The following TACR1 variants were observed in gnomAD, a reference collection of about 807,000 sequenced individuals.
The protein encoded by TACR1 is substance-P receptor.
A neutral mutation model predicts 35.8 loss-of-function variants in TACR1; 25 were observed. That is an observed-to-expected ratio of 0.70 (90% CI 0.51 to 0.98). TACR1 has a LOEUF of 0.98. Ranked by LOEUF, TACR1 falls within the 50% of genes least tolerant of loss-of-function variation. TACR1 has a pLI of 0.00. For synonymous variants in TACR1, 195 were observed against 206.7 expected (o/e 0.94, Z 0.48); for missense variants, 478 against 522.9 (o/e 0.91, Z 0.84).
At chr2:75,055,913 C>T (rs1219289054) in intron 2 of TACR1, among the ~76,000 whole-genome samples, 3 of 152,196 alleles carry the variant, frequency 2.0e-5, no homozygotes, top group African/African-American at 7.2e-5. Context: ...GTGGTTCAGA[C>T]TTTGAGAAAC....
At chr2:75,139,685 AAT>A (rs1405510082) in intron 1 of TACR1, among the ~76,000 whole-genome samples, 1 of 152,224 alleles carries the variant, frequency 6.6e-6, no homozygotes, top group Non-Finnish European at 1.5e-5. Flanking sequence ...ATCAGTGTTC[AAT>A]ATTCTGGTAA....
intron 2 of TACR1, among the ~76,000 whole-genome samples, chr2:75,107,650 G>A (rs1397938700): frequency 1.3e-5 from 2 of 151,936 alleles, no homozygotes; most frequent in Non-Finnish European, 2.9e-5. Flanking sequence ...AAAAATTTAG[G>A]TAGTGGTAGA....
chr2:75,155,146 G>C (rs890879176), intron 1 of TACR1, among the ~76,000 whole-genome samples: 7 of 151,812 alleles, frequency 4.6e-5, no homozygotes, highest in Non-Finnish European at 1.0e-4. Context: ...TTGAGGGACT[G>C]TTCCCAAGCC....
At chr2:75,081,898 CTTTTTTT>C (rs573484307) in intron 2 of TACR1, among the ~76,000 whole-genome samples, 1 of 133,380 alleles carries the variant, frequency 7.5e-6, no homozygotes, top group African/African-American at 2.7e-5. Context: ...ACCAACATTT[CTTTTTTT>C]TTTTTTTAAA....
intron 1 of TACR1, among the ~76,000 whole-genome samples, chr2:75,157,464 T>G (rs2012372): frequency 0.53 from 80,240 of 152,120 alleles, 21,432 homozygotes; most frequent in Non-Finnish European, 0.55. Flanking sequence ...AATCAGAGCT[T>G]GCATTGTTAA....
At position 75,154,406 on chromosome 2, in the gene TACR1, G is replaced by GCTCGCGTGCGCGCGCGCGCGCGCGCA. The variant is rs1264139655; in HGVS notation, c.390-33639_390-33638insTGCGCGCGCGCGCGCGCGCACGCGAG. The GCTCGCGTGCGCGCGCGCGCGCGCGCA allele has an allele frequency of 3.8e-4, 30 of 78,548 alleles. 2 individuals carry two copies. Among genetic ancestry groups the GCTCGCGTGCGCGCGCGCGCGCGCGCA allele is most frequent in the African/African-American group, 1.9e-3 (30 of 15,696 alleles). 4.9% of individuals were successfully genotyped at this position (78,548 alleles called of 1,614,324 possible). A position where few individuals can be genotyped will look rare whatever the true frequency, so the allele number is the denominator to read the frequency against. On this transcript the variant is annotated intron_variant, in intron 1 of 4. Transcript: ENST00000305249. ...CAGGGAGATAATCAGCCAAGAGCGC[G>GCTCGCGTGCGCGCGCGCGCGCGCGCA]CACGCACACACACACACACACACAC...
intron 1 of TACR1, among the ~76,000 whole-genome samples, chr2:75,194,104 G>GT (rs1022075017): frequency 6.6e-5 from 10 of 152,210 alleles, no homozygotes; most frequent in Non-Finnish European, 1.3e-4. Context: ...ATTTCTTCCA[G>GT]TTTTTTAAAA....
chr2:75,049,978 C>T (rs1431356661), intron 4 of TACR1, among the ~76,000 whole-genome samples: 1 of 152,200 alleles, frequency 6.6e-6, no homozygotes, highest in East Asian at 1.9e-4. Flanking sequence ...CTGGGGGTGG[C>T]CCTGAACTAT....
At chr2:75,145,216 T>C (rs911939269) in intron 1 of TACR1, among the ~76,000 whole-genome samples, 3 of 152,108 alleles carry the variant, frequency 2.0e-5, no homozygotes, top group Non-Finnish European at 4.4e-5. Flanking sequence ...TAATATAAGA[T>C]AGAAATAGAA....
intron 2 of TACR1, among the ~76,000 whole-genome samples, chr2:75,108,679 A>G (rs550258364): frequency 6.6e-6 from 1 of 152,306 alleles, no homozygotes; most frequent in East Asian, 1.9e-4. Flanking sequence ...ACCACTAGAA[A>G]GATGGAGACA....
rs1301958179 is a variant in TACR1 at position 75,143,832 on chromosome 2, C to T, written c.390-23064G>A. On this transcript the variant is annotated intron_variant, in intron 1 of 4. Transcript: ENST00000305249. ...GCCTGATATATTGTGAAATGTGGTG[C>T]TAGTGGCCTGGATTGACTGATGAGC... 2.0e-5 allele frequency among the ~76,000 whole-genome samples: 3 copies of T among 152,182 alleles called. No individual in the cohort carries two copies. The East Asian group carries it at 5.8e-4, about 29-fold the overall frequency.
chr2:75,096,666 T>G (rs1338524583), intron 2 of TACR1, among the ~76,000 whole-genome samples: 1 of 152,230 alleles, frequency 6.6e-6, no homozygotes, highest in Non-Finnish European at 1.5e-5. Flanking sequence ...GCTGTAAAAC[T>G]GGTTCAGCTG....
chr2:75,080,891 A>G (rs1285575632), intron 2 of TACR1, among the ~76,000 whole-genome samples: 1 of 152,180 alleles, frequency 6.6e-6, no homozygotes, highest in Non-Finnish European at 1.5e-5. Context: ...AACCATCTCC[A>G]CCTGGGATGG....
intron 2 of TACR1, among the ~76,000 whole-genome samples, chr2:75,067,337 G>A (rs1340041039): frequency 6.6e-6 from 1 of 152,198 alleles, no homozygotes; most frequent in Non-Finnish European, 1.5e-5. Context: ...GGCCAGCCGT[G>A]TGTTGAGGTA....
At chr2:75,105,530 T>A (rs932026118) in intron 2 of TACR1, among the ~76,000 whole-genome samples, 3 of 151,998 alleles carry the variant, frequency 2.0e-5, no homozygotes, top group Non-Finnish European at 4.4e-5. Flanking sequence ...TTAAATGTTC[T>A]CACCATGAAA....
chr2:75,071,147 G>T (rs1202831001), intron 2 of TACR1, among the ~76,000 whole-genome samples: 1 of 152,172 alleles, frequency 6.6e-6, no homozygotes, highest in Non-Finnish European at 1.5e-5. Flanking sequence ...TGTAGGACCT[G>T]CCAAGCATCA....
At chr2:75,057,237 T>C (rs1427979975) in intron 2 of TACR1, among the ~76,000 whole-genome samples, 1 of 152,106 alleles carries the variant, frequency 6.6e-6, no homozygotes, top group Non-Finnish European at 1.5e-5. Context: ...TCCTGGCTCA[T>C]CCTGGCTCAT....
At chr2:75,057,294 T>C (rs1305267021) in intron 2 of TACR1, among the ~76,000 whole-genome samples, 1 of 152,110 alleles carries the variant, frequency 6.6e-6, no homozygotes, top group African/African-American at 2.4e-5. Context: ...CCCCCGCCCC[T>C]GCCCACCAGG....
intron 2 of TACR1, among the ~76,000 whole-genome samples, chr2:75,073,815 G>T (rs1182278183): frequency 7.1e-6 from 1 of 141,242 alleles, no homozygotes; most frequent in Non-Finnish European, 1.5e-5. Flanking sequence ...ACATAGGAAT[G>T]CCACTTCTCA....
Sources: gnomAD v4.1 joint callset for allele counts (sites outside exome capture counted in the v4.1 genomes callset) on GRCh38, gnomAD v4.1.1 for gene constraint, MANE v1.5 for transcripts, NCBI Gene and HGNC (gene_info 2026-07-23, HGNC 2026-07-21) for gene names.